Variants in PTPRD observed in about 807,000 individuals in gnomAD.
PTPRD encodes protein tyrosine phosphatase receptor type D.
A neutral mutation model predicts 214.5 loss-of-function variants in PTPRD; 34 were observed. The ratio of observed to expected loss-of-function variants is 0.16; its 90% CI spans 0.12 to 0.21. The LOEUF (loss-of-function observed/expected upper bound fraction) is 0.21, where lower values mean the gene tolerates loss of function less well. Ranked by LOEUF, PTPRD falls within the 10% of genes least tolerant of loss-of-function variation. The pLI is 1.00. For missense variants in PTPRD, 2,545 were observed against 2,398.7 expected (o/e 1.06, Z -1.27); for synonymous variants, 1,128 against 845.7 (o/e 1.33, Z -5.79).
intron 2 of PTPRD, among the ~76,000 whole-genome samples, chr9:10,605,351 G>C (rs2079021578): frequency 6.6e-6 from 1 of 151,860 alleles, no homozygotes; most frequent in Non-Finnish European, 1.5e-5. Context: ...CTGGTGCATA[G>C]ACTGTAAACT....
At chr9:9,268,588 G>T (rs1466931881) in intron 9 of PTPRD, among the ~76,000 whole-genome samples, 1 of 151,088 alleles carries the variant, frequency 6.6e-6, no homozygotes, top group African/African-American at 2.4e-5. Flanking sequence ...CAAAGCTGGA[G>T]GCATCACATT....
At chr9:8,659,098 A>G (rs567126680) in intron 12 of PTPRD, among the ~76,000 whole-genome samples, 7 of 152,314 alleles carry the variant, frequency 4.6e-5, no homozygotes, top group Non-Finnish European at 8.8e-5. Flanking sequence ...GACAAAATCA[A>G]GAAGGACACT....
chr9:9,954,429 T>G (rs1417699507), intron 4 of PTPRD, among the ~76,000 whole-genome samples: 1 of 150,444 alleles, frequency 6.6e-6, no homozygotes, highest in Non-Finnish European at 1.5e-5. Context: ...TAAAAAGCAC[T>G]AACTTTAAAC....
At chr9:9,299,762 T>C (rs1453144893) in intron 9 of PTPRD, among the ~76,000 whole-genome samples, 3 of 151,232 alleles carry the variant, frequency 2.0e-5, no homozygotes, top group African/African-American at 4.9e-5. Context: ...AATAGACACA[T>C]ATGTGGGATG....
At chr9:9,036,155 T>G (rs1357456936) in intron 10 of PTPRD, among the ~76,000 whole-genome samples, 1 of 151,650 alleles carries the variant, frequency 6.6e-6, no homozygotes, top group Non-Finnish European at 1.5e-5. Flanking sequence ...AATCATAAAT[T>G]CTTATTGGCC....
intron 4 of PTPRD, among the ~76,000 whole-genome samples, chr9:9,951,780 G>A (rs1014836136): frequency 5.3e-5 from 8 of 152,224 alleles, no homozygotes; most frequent in African/African-American, 1.7e-4. Context: ...AGGAAAGGTA[G>A]TGCCTAGCCA....
intron 3 of PTPRD, among the ~76,000 whole-genome samples, chr9:10,241,322 A>G (rs2091000445): frequency 6.6e-6 from 1 of 151,994 alleles, no homozygotes. Context: ...TGCACTTATC[A>G]TATGACCCAA....
intron 11 of PTPRD, among the ~76,000 whole-genome samples, chr9:8,822,364 G>A (rs867459090): frequency 1.1e-4 from 16 of 152,176 alleles, no homozygotes; most frequent in African/African-American, 3.9e-4. Flanking sequence ...ATAAGAACTG[G>A]AAATAAAATG....
intron 5 of PTPRD, among the ~76,000 whole-genome samples, chr9:9,839,283 G>A (rs538647905): frequency 0.017 from 2,547 of 152,160 alleles, 64 homozygotes; most frequent in African/African-American, 0.059. Context: ...CAGATGACAT[G>A]ATTGTATATC....
At position 10,202,754 on chromosome 9, in the gene PTPRD, G is replaced by A. The variant is rs532989369; in HGVS notation, c.-545+138209C>T. Among the ~76,000 whole-genome samples the A allele has an allele frequency of 1.4e-4, 21 of 147,602 alleles. No individual in the cohort carries two copies. The South Asian group carries it at 2.2e-3, about 15-fold the overall frequency. On this transcript the variant is annotated intron_variant, in intron 3 of 45. Transcript: ENST00000381196. ...TATATGTCAATGTATGATGCAGTTT[G>A]ATCTTTCACAAGTGGCCTAACCTAA...
intron 6 of PTPRD, among the ~76,000 whole-genome samples, chr9:9,763,305 C>A (rs2098676810): frequency 6.6e-6 from 1 of 152,046 alleles, no homozygotes; most frequent in African/African-American, 2.4e-5. Context: ...CAGTCTTTTT[C>A]TAAGCATTTT....
chr9:10,599,640 G>C (rs1374894387), intron 2 of PTPRD, among the ~76,000 whole-genome samples: 1 of 151,636 alleles, frequency 6.6e-6, no homozygotes, highest in Non-Finnish European at 1.5e-5. Flanking sequence ...TTCAAAGTTT[G>C]GTCATGAAAA....
Position 8,409,378 on chromosome 9 carries a change from G to C in PTPRD, c.4087-4718C>G, listed in dbSNP as rs185026967. Among the ~76,000 whole-genome samples the C allele has an allele frequency of 2.6e-5, 4 of 152,260 alleles. No homozygotes were observed. In the East Asian group the frequency reaches 7.7e-4, roughly 29 times the overall value. On this transcript the variant is annotated intron_variant, in intron 35 of 45. Transcript: ENST00000381196. ...AGATGCTTTCTCTCTAGTTAAGCTG[G>C]AGAAGATTCCTTGAAGGTTTCACAC... is the stretch of plus-strand genomic sequence containing the variant.
chr9:9,347,030 G>A (rs2049097106), intron 9 of PTPRD, among the ~76,000 whole-genome samples: 3 of 151,982 alleles, frequency 2.0e-5, no homozygotes, highest in Non-Finnish European at 4.4e-5. Flanking sequence ...GGGCAGGTGT[G>A]TTGGCGCACG....
At chr9:8,636,622 G>C (rs2096443858) in intron 13 of PTPRD, 77 bp downstream of exon 13, 15 of 1,531,044 alleles carry the variant, frequency 9.8e-6, no homozygotes, top group Non-Finnish European at 1.3e-5. Context: ...TCAGAGTAAA[G>C]CAAGCAAGTA....
intron 9 of PTPRD, among the ~76,000 whole-genome samples, chr9:9,237,900 A>G (rs561051675): frequency 3.3e-5 from 5 of 152,228 alleles, no homozygotes; most frequent in South Asian, 2.1e-4. Flanking sequence ...AATCTCCTCA[A>G]ATTAGCTCCT....
chr9:9,827,594 T>G (rs1215024399), intron 5 of PTPRD, among the ~76,000 whole-genome samples: 1 of 152,132 alleles, frequency 6.6e-6, no homozygotes, highest in Non-Finnish European at 1.5e-5. Flanking sequence ...GACACAGGCA[T>G]GGGCAAGGAC....
chr9:8,702,332 T>C (rs1009535812), intron 12 of PTPRD, among the ~76,000 whole-genome samples: 1 of 152,152 alleles, frequency 6.6e-6, no homozygotes, highest in African/African-American at 2.4e-5. Flanking sequence ...TTATTTGGTG[T>C]GCCTTATCTT....
chr9:10,483,616 T>C (rs938280158), intron 2 of PTPRD, among the ~76,000 whole-genome samples: 1 of 151,766 alleles, frequency 6.6e-6, no homozygotes, highest in Non-Finnish European at 1.5e-5. Flanking sequence ...GCAAAGAACA[T>C]GAATAGACAT....
Sources: gnomAD v4.1 joint callset for allele counts (sites outside exome capture counted in the v4.1 genomes callset) on GRCh38, gnomAD v4.1.1 for gene constraint, MANE v1.5 for transcripts, NCBI Gene and HGNC (gene_info 2026-07-23, HGNC 2026-07-21) for gene names.